The following ADHFE1 variants were observed in gnomAD, a reference collection of about 807,000 sequenced individuals.
ADHFE1 encodes the protein hydroxyacid-oxoacid transhydrogenase, mitochondrial.
Under a neutral mutation model 54.8 loss-of-function variants are expected in ADHFE1, and 37 were observed. That is an observed-to-expected ratio of 0.68 (90% CI 0.52 to 0.89). The LOEUF is 0.89. Ranked by LOEUF, ADHFE1 falls within the 40% of genes least tolerant of loss-of-function variation. ADHFE1 has a pLI of 0.00. For missense variants in ADHFE1, 601 were observed against 591.2 expected (o/e 1.02, Z -0.17); for synonymous variants, 203 against 229.3 (o/e 0.89, Z 1.04).
intron 6 of ADHFE1, among the ~76,000 whole-genome samples, chr8:66,446,723 A>G (rs1806050192): frequency 6.6e-6 from 1 of 152,246 alleles, no homozygotes; most frequent in Non-Finnish European, 1.5e-5. Context: ...TGCATATTAA[A>G]CACACATGCA....
In ADHFE1 at chr8:66,468,523, T is replaced by G. The variant is rs1807313101; in HGVS notation, c.*171T>G. The G allele has an allele frequency of 2.2e-6, 1 of 457,482 alleles. No individual in the cohort carries two copies. 28.3% of individuals were successfully genotyped at this position (457,482 alleles called of 1,614,324 possible). ...TCCCCAAAGCTCAGAGTCCAGTTCC[T>G]TCCATAAAACAGGCTGGACAAATGA... is the stretch of plus-strand genomic sequence containing the variant. On this transcript the variant is annotated 3_prime_UTR_variant, in exon 14 of 14. Transcript: ENST00000396623.
intron 13 of ADHFE1, among the ~76,000 whole-genome samples, chr8:66,466,557 A>G (rs1296828551): frequency 1.8e-5 from 1 of 56,142 alleles, no homozygotes; most frequent in African/African-American, 1.1e-4. Context: ...AGACAAAACA[A>G]ATACCTACTG....
chr8:66,453,845 T>G, intron 9 of ADHFE1: 1 of 1,494,816 alleles, frequency 6.7e-7, no homozygotes, highest in Non-Finnish European at 9.0e-7. Flanking sequence ...GACAGCGTAT[T>G]TATTATGCCT....
At chr8:66,434,905 G>A (rs975558063) in intron 1 of ADHFE1, among the ~76,000 whole-genome samples, 1 of 152,078 alleles carries the variant, frequency 6.6e-6, no homozygotes, top group African/African-American at 2.4e-5. Flanking sequence ...CTTGAATCTG[G>A]GAGGCATAGT....
intron 13 of ADHFE1, among the ~76,000 whole-genome samples, chr8:66,462,857 C>T (rs1412433234): frequency 6.6e-6 from 1 of 152,132 alleles, no homozygotes; most frequent in African/African-American, 2.4e-5. Flanking sequence ...GTTTCACTCT[C>T]ATTGCCCAGG....
intron 9 of ADHFE1, among the ~76,000 whole-genome samples, chr8:66,453,348 C>A (rs1237223381): frequency 6.6e-6 from 1 of 152,108 alleles, no homozygotes; most frequent in Non-Finnish European, 1.5e-5. Flanking sequence ...TTTATTTCAC[C>A]ACAGGAACTC....
In ADHFE1 at chr8:66,442,799, C is replaced by T; in HGVS notation, c.99C>T (p.Ala33=). Residue 33 remains alanine (A), a splice_region_variant and synonymous_variant, in exon 3 of 14, where the codon GCC becomes GCT. Transcript: ENST00000396623. Reference sequence around the variant, plus strand: ...TGATGCTAACTTTTACATTTCTAGCCCCTGGACTTTCACCTTCTGGGAAAA... The same window carrying T: ...TGATGCTAACTTTTACATTTCTAGCTCCTGGACTTTCACCTTCTGGGAAAA... ...CPTHSHTYSQ[A]PGLSPSGKTT... is the part of the protein sequence containing the mutation. The T allele has an allele frequency of 6.3e-7, 1 of 1,596,444 alleles. No individual in the cohort carries two copies. Among genetic ancestry groups the T allele is most frequent in the Non-Finnish European group, 8.5e-7 (1 of 1,175,276 alleles).
chr8:66,444,753 T>G lies in ADHFE1; in HGVS notation c.353+5T>G. 1 of 1,613,716 alleles carries G rather than the reference T, an allele frequency of 6.2e-7. No homozygotes were observed. The highest frequency in any genetic ancestry group is 8.5e-7 in the Non-Finnish European group (1 of 1,179,918). ...AGTGGAACCAACGGATTCAAGGTATTCTTGTATTGTTGTTATTGTTTCTTT... is the reference window on the plus strand; with the variant it reads ...AGTGGAACCAACGGATTCAAGGTATGCTTGTATTGTTGTTATTGTTTCTTT... On this transcript the variant is annotated splice_donor_5th_base_variant and intron_variant, in intron 5 of 13. Coordinates refer to ENST00000396623, the MANE Select transcript of ADHFE1 (RefSeq NM_144650.3).
At chr8:66,442,435 C>T (rs768564330) in intron 2 of ADHFE1, among the ~76,000 whole-genome samples, 4 of 151,686 alleles carry the variant, frequency 2.6e-5, no homozygotes, top group African/African-American at 4.9e-5. Context: ...CTCAGCCTCC[C>T]GAGTAGCTCG....
chr8:66,460,035 C>G, intron 12 of ADHFE1: 1 of 403,168 alleles, frequency 2.5e-6, no homozygotes, highest in Non-Finnish European at 4.5e-6. Context: ...GACTTTCTTG[C>G]CTTGTTCTGC....
chr8:66,445,325 C>G lies in ADHFE1; in HGVS notation c.461C>G (p.Ser154Cys). The change falls in exon 6 of 14, where the codon TCC (serine) becomes TGC (cysteine). Residue 154 changes from serine to cysteine, a missense_variant. Ser to Cys is a moderately radical substitution (Grantham distance 112). Transcript: ENST00000396623. ...TGTAAGGCTGCTAATCTGTATGCAT[C>G]CAGCCCTCATTCTGATTTCCTAGAT... is the stretch of plus-strand genomic sequence containing the variant. ...DTCKAANLYA[S>C]SPHSDFLDYV... is the part of the protein sequence containing the mutation. 6.2e-7 allele frequency: 1 copy of G among 1,614,016 alleles called. No homozygotes were observed.
At chr8:66,446,825 A>G (rs1415175992) in intron 6 of ADHFE1, among the ~76,000 whole-genome samples, 4 of 152,250 alleles carry the variant, frequency 2.6e-5, no homozygotes, top group African/African-American at 9.6e-5. Flanking sequence ...AAATATACAT[A>G]CATATTAATA....
intron 7 of ADHFE1, 94 bp downstream of exon 7, chr8:66,447,435 G>A: frequency 9.5e-7 from 1 of 1,049,318 alleles, no homozygotes; most frequent in South Asian, 1.5e-5. Flanking sequence ...TTATGATACA[G>A]TTAGAATAAG....
At chr8:66,436,305 G>A (rs12675850) in intron 1 of ADHFE1, among the ~76,000 whole-genome samples, 65,923 of 151,926 alleles carry the variant, frequency 0.43, 14,896 homozygotes, top group African/African-American at 0.55. Flanking sequence ...CTTCAGGAGC[G>A]ATTACTCAAC....
intron 6 of ADHFE1, among the ~76,000 whole-genome samples, chr8:66,446,606 C>T (rs1187734516): frequency 6.6e-6 from 1 of 152,166 alleles, no homozygotes. Flanking sequence ...ACATTAAACA[C>T]ACATGTATGT....
At position 66,442,862 on chromosome 8, in the gene ADHFE1, A is replaced by G; in HGVS notation, c.144+18A>G. 2 of 1,549,970 alleles carry G rather than the reference A, an allele frequency of 1.3e-6. No individual in the cohort carries two copies. The highest frequency in any genetic ancestry group is 8.7e-7 in the Non-Finnish European group (1 of 1,153,538). ...CCTTTGAGGTATATTCACTCAATCCATTATTTCTTTTATGAATGACTAGAA... is the reference window on the plus strand; with the variant it reads ...CCTTTGAGGTATATTCACTCAATCCGTTATTTCTTTTATGAATGACTAGAA... On this transcript the variant is annotated intron_variant, in intron 3 of 13. Transcript: ENST00000396623.
At chr8:66,444,899 G>A (rs951213040) in intron 5 of ADHFE1, 151 bp downstream of exon 5, 37 of 952,492 alleles carry the variant, frequency 3.9e-5, no homozygotes, top group African/African-American at 1.3e-4. Context: ...TCAGGAGTTC[G>A]AGACCAGTAT....
At chr8:66,466,403 T>A (rs1472677164) in intron 13 of ADHFE1, among the ~76,000 whole-genome samples, 2 of 152,146 alleles carry the variant, frequency 1.3e-5, no homozygotes, top group Non-Finnish European at 2.9e-5. Flanking sequence ...ATCCAAGAAA[T>A]CATTGCCAAA....
chr8:66,437,680 C>T (rs1349247883), intron 1 of ADHFE1, among the ~76,000 whole-genome samples: 1 of 152,174 alleles, frequency 6.6e-6, no homozygotes, highest in Admixed American at 6.5e-5. Flanking sequence ...TACTTTATGC[C>T]TGGCACTTAC....
Sources: gnomAD v4.1 joint callset for allele counts (sites outside exome capture counted in the v4.1 genomes callset) on GRCh38, gnomAD v4.1.1 for gene constraint, MANE v1.5 for transcripts, NCBI Gene and HGNC (gene_info 2026-07-23, HGNC 2026-07-21) for gene names.